The following CSMD3 variants were observed in gnomAD, a reference collection of about 807,000 sequenced individuals.
CSMD3 encodes the protein CUB and sushi domain-containing protein 3.
Under a neutral mutation model 435.2 loss-of-function variants are expected in CSMD3, and 177 were observed. The ratio of observed to expected loss-of-function variants is 0.41; its 90% CI spans 0.36 to 0.46. The LOEUF is 0.46. Ranked by LOEUF, CSMD3 falls within the 20% of genes least tolerant of loss-of-function variation. The pLI, the probability that CSMD3 is intolerant of heterozygous loss-of-function variation, is 0.34. For missense variants in CSMD3, 4,265 were observed against 4,504.6 expected (o/e 0.95, Z 1.52); for synonymous variants, 1,656 against 1,520.5 (o/e 1.09, Z -2.07).
At chr8:112,920,750 CCCATGTTAAAAATAAAAAGGTA>C (rs928494021) in intron 10 of CSMD3, among the ~76,000 whole-genome samples, 3 of 151,668 alleles carry the variant, frequency 2.0e-5, no homozygotes, top group Non-Finnish European at 4.4e-5. Context: ...CATTTGAACT[CCCATGTTAAAAATAAAAAGGTA>C]CCCCAGTTGG....
chr8:113,332,506 T>TA (rs962885287), intron 1 of CSMD3, among the ~76,000 whole-genome samples: 30 of 151,582 alleles, frequency 2.0e-4, no homozygotes, highest in Admixed American at 1.8e-3. Context: ...ATCCAACAAA[T>TA]AAAATTAGAG....
intron 6 of CSMD3, among the ~76,000 whole-genome samples, chr8:112,984,867 G>A (rs2085192077): frequency 6.6e-6 from 1 of 151,932 alleles, no homozygotes; most frequent in Admixed American, 6.6e-5. Context: ...CTTTCTCTAT[G>A]TTTCAATCAC....
chr8:112,787,261 G>C (rs1209527162), intron 13 of CSMD3, among the ~76,000 whole-genome samples: 2 of 152,100 alleles, frequency 1.3e-5, no homozygotes, highest in Non-Finnish European at 2.9e-5. Context: ...TAATGGGATT[G>C]CTGGGTCAAA....
intron 5 of CSMD3, among the ~76,000 whole-genome samples, chr8:113,046,862 G>T (rs1019481015): frequency 6.6e-6 from 1 of 152,188 alleles, no homozygotes; most frequent in Non-Finnish European, 1.5e-5. Context: ...CTCACAAAAG[G>T]TCTAGGGGCA....
intron 15 of CSMD3, among the ~76,000 whole-genome samples, chr8:112,683,378 A>C (rs4876484): frequency 0.38 from 57,402 of 151,658 alleles, 12,206 homozygotes; most frequent in African/African-American, 0.58. Flanking sequence ...CCTGGACCGG[A>C]TTTTAATTTC....
chr8:112,232,718 G>A (rs902857186), intron 68 of CSMD3, among the ~76,000 whole-genome samples: 4 of 152,186 alleles, frequency 2.6e-5, no homozygotes, highest in Non-Finnish European at 4.4e-5. Context: ...TGTAGGATAC[G>A]TGACTTGTAT....
intron 24 of CSMD3, among the ~76,000 whole-genome samples, chr8:112,558,771 TCAA>T (rs554412381): frequency 7.4e-4 from 113 of 151,998 alleles, no homozygotes; most frequent in Non-Finnish European, 1.4e-3. Context: ...GATCATATCA[TCAA>T]CATTTTAAAA....
At chr8:113,344,129 A>C (rs1219703206) in intron 1 of CSMD3, among the ~76,000 whole-genome samples, 3 of 152,136 alleles carry the variant, frequency 2.0e-5, no homozygotes, top group Non-Finnish European at 4.4e-5. Flanking sequence ...TGACTAAAGA[A>C]AGTTATGAAC....
intron 17 of CSMD3, among the ~76,000 whole-genome samples, chr8:112,663,482 G>C (rs2075438559): frequency 9.5e-6 from 1 of 105,544 alleles, no homozygotes; most frequent in African/African-American, 3.8e-5. Flanking sequence ...ACCGGGGCCT[G>C]TTGTGGGGTG....
chr8:112,851,536 C>T (rs2080487565), intron 11 of CSMD3, among the ~76,000 whole-genome samples: 1 of 152,016 alleles, frequency 6.6e-6, no homozygotes, highest in Admixed American at 6.6e-5. Context: ...GAGGCCGAGG[C>T]GGGCAGATCA....
At chr8:113,436,534 G>A in intron 1 of CSMD3, 143 bp downstream of exon 1, 2 of 832,274 alleles carry the variant, frequency 2.4e-6, no homozygotes, top group Non-Finnish European at 4.1e-6. Context: ...TCTGAGGGGG[G>A]GAGAACGAGC....
At chr8:113,060,905 A>G (rs1164839046) in intron 5 of CSMD3, among the ~76,000 whole-genome samples, 1 of 152,158 alleles carries the variant, frequency 6.6e-6, no homozygotes, top group Non-Finnish European at 1.5e-5. Flanking sequence ...CAATACCTGT[A>G]ATTGCCAACA....
intron 12 of CSMD3, among the ~76,000 whole-genome samples, chr8:112,812,855 G>A (rs924872737): frequency 3.3e-5 from 5 of 151,980 alleles, no homozygotes; most frequent in African/African-American, 7.3e-5. Flanking sequence ...AAATAGGTGC[G>A]CTCAAAAATA....
intron 5 of CSMD3, among the ~76,000 whole-genome samples, chr8:113,064,181 A>T (rs2088746245): frequency 6.6e-6 from 1 of 151,820 alleles, no homozygotes; most frequent in Admixed American, 6.6e-5. Context: ...TTTTAAAATC[A>T]TTTCAGTGGT....
chr8:112,312,315 C>T (rs560653750), intron 49 of CSMD3, among the ~76,000 whole-genome samples: 15 of 152,140 alleles, frequency 9.9e-5, no homozygotes, highest in South Asian at 8.3e-4. Flanking sequence ...AGTCCAATGG[C>T]GCTACCTTGG....
At chr8:113,314,214 T>TTTA (rs1486661478) in intron 2 of CSMD3, 1 of 196,722 alleles carries the variant, frequency 5.1e-6, no homozygotes, top group African/African-American at 2.4e-5. Flanking sequence ...ATTGGACATA[T>TTTA]TATCACTGAA....
At chr8:113,400,480 T>C (rs1588664740) in intron 1 of CSMD3, among the ~76,000 whole-genome samples, 2 of 152,032 alleles carry the variant, frequency 1.3e-5, no homozygotes, top group African/African-American at 2.4e-5. Context: ...AAAACTGCTA[T>C]GATACTTTTA....
At chr8:112,940,018 T>C (rs2083402501) in intron 9 of CSMD3, among the ~76,000 whole-genome samples, 1 of 151,966 alleles carries the variant, frequency 6.6e-6, no homozygotes, top group Non-Finnish European at 1.5e-5. Flanking sequence ...TGGAAGCTTC[T>C]ATATACTAAC....
chr8:112,929,649 G>T (rs1428765932), intron 9 of CSMD3, among the ~76,000 whole-genome samples: 11 of 151,872 alleles, frequency 7.2e-5, no homozygotes, highest in Admixed American at 7.2e-4. Context: ...AGTGAAGTAT[G>T]GTACAGATCC....
Sources: gnomAD v4.1 joint callset for allele counts (sites outside exome capture counted in the v4.1 genomes callset) on GRCh38, gnomAD v4.1.1 for gene constraint, MANE v1.5 for transcripts, NCBI Gene and HGNC (gene_info 2026-07-23, HGNC 2026-07-21) for gene names.